TSGA10IP: variants seen among roughly 807,000 people sequenced by gnomAD.
The protein encoded by TSGA10IP is testis-specific protein 10-interacting protein.
In TSGA10IP, 64 loss-of-function variants were observed where a neutral mutation model predicts 63.2. That is an observed-to-expected ratio of 1.01 (90% CI 0.83 to 1.25). The LOEUF (loss-of-function observed/expected upper bound fraction) is 1.25. TSGA10IP is among the 50% of genes most tolerant of loss of function. TSGA10IP has a pLI of 0.00. For missense variants in TSGA10IP, 681 were observed against 710.1 expected (o/e 0.96, Z 0.47); for synonymous variants, 316 against 298.3 (o/e 1.06, Z -0.61).
intron 5 of TSGA10IP, 28 bp downstream of exon 5, chr11:65,953,765 G>C: frequency 3.4e-6 from 5 of 1,484,118 alleles, no homozygotes; most frequent in Non-Finnish European, 4.4e-6. Context: ...CGGGAGGCCT[G>C]GTTGGGAGAG....
Position 65,948,080 on chromosome 11 carries a change from A to G in TSGA10IP, c.1083A>G (p.Gly361=), listed in dbSNP as rs573149637. Residue 361 remains glycine (G), a synonymous_variant, in exon 4 of 8, where the codon GGA becomes GGG. Coordinates refer to ENST00000532620, the Ensembl canonical transcript of TSGA10IP. ...GGAATGGAAAGGCCTATGCCTCGGG[A>G]TACGATGAAACTTTCGTGTCTGCCA... 4.2e-5 allele frequency: 67 copies of G among 1,592,622 alleles called. No individual in the cohort carries two copies. The East Asian group carries it at 1.2e-3, about 29-fold the overall frequency.
In TSGA10IP at chr11:65,949,860, T is replaced by TG. The variant is rs574449826; in HGVS notation, c.1151+1712_1151+1713insG. On this transcript the variant is annotated intron_variant, in intron 4 of 7. Coordinates refer to ENST00000532620, the Ensembl canonical transcript of TSGA10IP. The stretch of plus-strand genomic sequence containing the variant: ...ATATGCATTACCTCGGTTTTTTTTT[T>TG]TTTTTTTTTTTGAGACAGAGTCTTG... 1.5e-4 allele frequency among the ~76,000 whole-genome samples: 21 copies of TG among 144,430 alleles called. 1 individual carries two copies. The South Asian group carries it at 4.9e-3, about 33-fold the overall frequency. 94.8% of individuals were successfully genotyped at this position (144,430 alleles called of 152,430 possible). A position where few individuals can be genotyped will look rare whatever the true frequency, so the allele number is the denominator to read the frequency against.
At chr11:65,952,796 G>A (rs921346918) in intron 4 of TSGA10IP, among the ~76,000 whole-genome samples, 6 of 151,948 alleles carry the variant, frequency 3.9e-5, no homozygotes, top group African/African-American at 1.5e-4. Context: ...AAAGTGCTGG[G>A]GTTACAGGTG....
chr11:65,954,322 C>T (rs1408638497), intron 5 of TSGA10IP, among the ~76,000 whole-genome samples: 9 of 147,728 alleles, frequency 6.1e-5, no homozygotes, highest in Non-Finnish European at 1.2e-4. Flanking sequence ...CCCGCCACCA[C>T]GCCCGGCTAA....
rs1855082696 is a variant in TSGA10IP at position 65,959,698 on chromosome 11, T to G, written c.1548-119T>G. 5 of 1,380,950 alleles carry G rather than the reference T, an allele frequency of 3.6e-6. No homozygotes were observed. The Admixed American group carries it at 8.4e-5, about 23-fold the overall frequency. The allele number at this position is 1,380,950 out of a possible 1,614,324, so 85.5% of individuals were successfully genotyped here. A position where few individuals can be genotyped will look rare whatever the true frequency, so the allele number is the denominator to read the frequency against. On this transcript the variant is annotated intron_variant, in intron 7 of 7. Coordinates refer to ENST00000532620, the Ensembl canonical transcript of TSGA10IP. ...AAGTGAGACTCGAGAAGAGTCACTT[T>G]GCCCAGGATCACACAGCAAGCCGGC...
chr11:65,946,976 G>A (rs770307304), exon 2 of TSGA10IP: 33 of 1,613,844 alleles, frequency 2.0e-5, no homozygotes, highest in Non-Finnish European at 2.8e-5. Context: ...CAAGCCCAGG[G>A]GCCAGAGCAA....
chr11:65,949,855 T>TG (rs1854913934), intron 4 of TSGA10IP, among the ~76,000 whole-genome samples: 2 of 142,044 alleles, frequency 1.4e-5, no homozygotes, highest in Non-Finnish European at 3.1e-5. Context: ...CCTCGGTTTT[T>TG]TTTTTTTTTT....
At chr11:65,958,681 C>T (rs182300423) in intron 5 of TSGA10IP, among the ~76,000 whole-genome samples, 1 of 152,228 alleles carries the variant, frequency 6.6e-6, no homozygotes, top group Admixed American at 6.5e-5. Flanking sequence ...TCAACCCTCC[C>T]GATCCATCCG....
At chr11:65,956,819 G>A (rs560914302) in intron 5 of TSGA10IP, among the ~76,000 whole-genome samples, 7 of 152,108 alleles carry the variant, frequency 4.6e-5, no homozygotes, top group East Asian at 1.9e-4. Flanking sequence ...GTGAGCCACC[G>A]CGCCCAGCCA....
intron 4 of TSGA10IP, among the ~76,000 whole-genome samples, chr11:65,948,800 C>G (rs1854892256): frequency 6.6e-6 from 1 of 151,880 alleles, no homozygotes; most frequent in Admixed American, 6.6e-5. Context: ...ATGGCGAAAC[C>G]CTGTCTCTAC....
Position 65,958,759 on chromosome 11 carries a change from T to C in TSGA10IP, c.1323-124T>C, listed in dbSNP as rs966676769. 6 of 753,412 alleles carry C rather than the reference T, an allele frequency of 8.0e-6. No individual in the cohort carries two copies. In the Admixed American group the frequency reaches 1.7e-4, roughly 22 times the overall value. 46.7% of individuals were successfully genotyped at this position (753,412 alleles called of 1,614,324 possible). The stretch of plus-strand genomic sequence containing the variant: ...AATCCAGGCAAGAATGGGAATGAAA[T>C]AGCTTTGTAAAGGTGAGGGTGAGGA... On this transcript the variant is annotated intron_variant, in intron 5 of 7. Coordinates refer to ENST00000532620, the Ensembl canonical transcript of TSGA10IP.
At chr11:65,951,896 A>AT (rs1854948701) in intron 4 of TSGA10IP, among the ~76,000 whole-genome samples, 1 of 146,408 alleles carries the variant, frequency 6.8e-6, no homozygotes, top group Non-Finnish European at 1.5e-5. Flanking sequence ...GTCACCCAGG[A>AT]TGGAGTGCAG....
At chr11:65,947,335 G>A (rs1854855005) in exon 3 of TSGA10IP, 5 of 1,612,198 alleles carry the variant, frequency 3.1e-6, no homozygotes, top group Non-Finnish European at 1.7e-6. Context: ...AAAACCTGAA[G>A]GCGAGACAGC....
At position 65,950,278 on chromosome 11, in the gene TSGA10IP, CCTCT is replaced by C. The variant is rs1227307367; in HGVS notation, c.1151+2133_1151+2136del. ...CAATAGATCTCTTGAACTTATTTCT[CCTCT>C]CTAACTGAAATTTCTTATCCTTTGA... On this transcript the variant is annotated intron_variant, in intron 4 of 7. Transcript: ENST00000532620. Among the ~76,000 whole-genome samples the C allele has an allele frequency of 2.6e-5, 4 of 152,142 alleles. No individual in the cohort carries two copies. The South Asian group carries it at 6.2e-4, about 24-fold the overall frequency.
At chr11:65,947,827 T>C in exon 3 of TSGA10IP, 1 of 1,549,558 alleles carries the variant, frequency 6.5e-7, no homozygotes, top group East Asian at 2.4e-5. Context: ...ACCTGGACTG[T>C]GGTGAGCGTG....
At chr11:65,947,369 T>C (rs766187435) in exon 3 of TSGA10IP, 1 of 1,612,094 alleles carries the variant, frequency 6.2e-7, no homozygotes, top group Non-Finnish European at 8.5e-7. Context: ...GGGCGGTGTC[T>C]CCATCCCTAC....
At chr11:65,956,847 G>A (rs1438434604) in intron 5 of TSGA10IP, among the ~76,000 whole-genome samples, 1 of 152,108 alleles carries the variant, frequency 6.6e-6, no homozygotes, top group Non-Finnish European at 1.5e-5. Context: ...TGTTTTCACA[G>A]TGAGGCAGGA....
At chr11:65,953,669 C>T in exon 5 of TSGA10IP, 1 of 1,591,262 alleles carries the variant, frequency 6.3e-7, no homozygotes, top group Non-Finnish European at 8.5e-7. Context: ...TGGCCCACTG[C>T]CTGGCAGCCT....
rs777964930 is a variant in TSGA10IP at position 65,947,647 on chromosome 11, G to T, written c.822G>T (p.Lys274Asn). 1.1e-5 allele frequency: 18 copies of T among 1,612,666 alleles called. No homozygotes were observed. Among genetic ancestry groups the T allele is most frequent in the Non-Finnish European group, 1.4e-5 (16 of 1,179,420 alleles). ...GAAGGAGGGCTGGTTGTCAGAGAAA[G>T]GGGCAGATTTCTGGAGAGGAAGCCT... Residue 274 changes from lysine (K) to asparagine (N), a missense_variant, in exon 3 of 8, where the codon AAG (lysine) becomes AAT (asparagine). Coordinates refer to ENST00000532620, the Ensembl canonical transcript of TSGA10IP.
Sources: gnomAD v4.1 joint callset for allele counts (sites outside exome capture counted in the v4.1 genomes callset) on GRCh38, gnomAD v4.1.1 for gene constraint, MANE v1.5 for transcripts, NCBI Gene and HGNC (gene_info 2026-07-23, HGNC 2026-07-21) for gene names.